Variants in KCNIP4 observed in about 807,000 individuals in gnomAD.
The protein encoded by KCNIP4 is Kv channel-interacting protein 4.
A neutral mutation model predicts 34.0 loss-of-function variants in KCNIP4; 12 were observed. That is an observed-to-expected ratio of 0.35 (90% CI 0.23 to 0.57). The LOEUF is 0.57. KCNIP4 is among the 20% of genes least tolerant of loss of function. KCNIP4 has a pLI of 0.83. For missense variants in KCNIP4, 238 were observed against 311.7 expected (o/e 0.76, Z 1.78); for synonymous variants, 124 against 102.2 (o/e 1.21, Z -1.29).
intron 1 of KCNIP4, among the ~76,000 whole-genome samples, chr4:20,931,616 G>A (rs554333588): frequency 6.6e-6 from 1 of 151,982 alleles, no homozygotes; most frequent in East Asian, 1.9e-4. Context: ...GTAAAAATGT[G>A]GTATTATAAT....
Position 21,704,206 on chromosome 4 carries a change from T to C in KCNIP4, c.61+244365A>G, listed in dbSNP as rs186083909. On this transcript the variant is annotated intron_variant, in intron 1 of 8. Transcript: ENST00000382152. Reference sequence around the variant, plus strand: ...ATACATCACAGGCTTAAATGTAAAATGTAAAACTGTTAAAGTTTTAGAAAA... The same window carrying C: ...ATACATCACAGGCTTAAATGTAAAACGTAAAACTGTTAAAGTTTTAGAAAA... Among the ~76,000 whole-genome samples, 3 of 152,084 alleles carry C rather than the reference T, an allele frequency of 2.0e-5. No individual in the cohort carries two copies. The East Asian group carries it at 5.8e-4, about 29-fold the overall frequency.
intron 1 of KCNIP4, among the ~76,000 whole-genome samples, chr4:21,940,678 G>A (rs145261911): frequency 0.014 from 2,062 of 151,862 alleles, 39 homozygotes; most frequent in African/African-American, 0.046. Context: ...TTGTACAGAG[G>A]AAAAAAGAAA....
chr4:20,794,055 T>C (rs1317327489), intron 3 of KCNIP4, among the ~76,000 whole-genome samples: 2 of 152,224 alleles, frequency 1.3e-5, no homozygotes, highest in Non-Finnish European at 2.9e-5. Flanking sequence ...AAAGTCTCTC[T>C]CTTTGCCTGT....
At chr4:21,539,432 A>G (rs1737489804) in intron 1 of KCNIP4, among the ~76,000 whole-genome samples, 1 of 152,200 alleles carries the variant, frequency 6.6e-6, no homozygotes, top group South Asian at 2.1e-4. Context: ...GGAGGGTGGG[A>G]TGGAAACAAA....
intron 1 of KCNIP4, among the ~76,000 whole-genome samples, chr4:21,169,549 A>G (rs546097028): frequency 6.6e-6 from 1 of 152,238 alleles, no homozygotes; most frequent in East Asian, 1.9e-4. Flanking sequence ...TATTAGAAAT[A>G]AGTTTTAATT....
chr4:21,074,003 G>T (rs1745228922), intron 1 of KCNIP4, among the ~76,000 whole-genome samples: 1 of 152,124 alleles, frequency 6.6e-6, no homozygotes. Context: ...GATCATGGTG[G>T]ATAAGCTTTT....
In KCNIP4 at chr4:21,681,894, A is replaced by ATT. The variant is rs140900844; in HGVS notation, c.61+266675_61+266676dup. On this transcript the variant is annotated intron_variant, in intron 1 of 8. Coordinates refer to ENST00000382152, the MANE Select transcript of KCNIP4 (RefSeq NM_025221.6). ...CACACTTTTTTTTTTATTTTTATTTATTTATTTTTTTTGAGACAGAGCCTC... is the reference window on the plus strand; with the variant it reads ...CACACTTTTTTTTTTATTTTTATTTATTTTTATTTTTTTTGAGACAGAGCCTC... Among the ~76,000 whole-genome samples the ATT allele has an allele frequency of 1.7e-3, 253 of 148,854 alleles. 2 individuals carry two copies. The highest frequency in any genetic ancestry group is 6.1e-3 in the African/African-American group (245 of 39,944).
chr4:20,738,298 T>C (rs905156512), intron 5 of KCNIP4, among the ~76,000 whole-genome samples: 6 of 152,196 alleles, frequency 3.9e-5, no homozygotes, highest in Non-Finnish European at 5.9e-5. Flanking sequence ...TAATAATATG[T>C]CATTAATTGT....
At chr4:21,701,738 T>C (rs962661812) in intron 1 of KCNIP4, among the ~76,000 whole-genome samples, 3 of 152,096 alleles carry the variant, frequency 2.0e-5, no homozygotes, top group African/African-American at 7.2e-5. Flanking sequence ...GGAGTCTCAC[T>C]CTGACACCCT....
intron 2 of KCNIP4, among the ~76,000 whole-genome samples, chr4:20,860,611 T>C (rs904436919): frequency 4.6e-5 from 7 of 152,230 alleles, no homozygotes; most frequent in African/African-American, 1.4e-4. Context: ...AAAAATACCC[T>C]CTGAGCCATT....
At chr4:21,789,728 T>G (rs1720152913) in intron 1 of KCNIP4, among the ~76,000 whole-genome samples, 1 of 152,008 alleles carries the variant, frequency 6.6e-6, no homozygotes, top group African/African-American at 2.4e-5. Flanking sequence ...TGTAGATTAT[T>G]GTTTTTGTGC....
At chr4:21,233,819 T>C (rs1389292187) in intron 1 of KCNIP4, among the ~76,000 whole-genome samples, 1 of 143,032 alleles carries the variant, frequency 7.0e-6, no homozygotes, top group Non-Finnish European at 1.5e-5. Context: ...TATAATATAA[T>C]TATTATATAT....
Position 21,073,621 on chromosome 4 carries a change from C to G in KCNIP4, c.62-190912G>C, listed in dbSNP as rs1389602732. On this transcript the variant is annotated intron_variant, in intron 1 of 8. Coordinates refer to ENST00000382152, the MANE Select transcript of KCNIP4 (RefSeq NM_025221.6). ...ACTTCCTCTTTTCCTAATTGAATACCCTTTATTTCTTTCTCCTGCCTGATT... is the reference window on the plus strand; with the variant it reads ...ACTTCCTCTTTTCCTAATTGAATACGCTTTATTTCTTTCTCCTGCCTGATT... 3.9e-5 allele frequency among the ~76,000 whole-genome samples: 6 copies of G among 152,202 alleles called. No homozygotes were observed. The South Asian group carries it at 8.3e-4, about 21-fold the overall frequency.
intron 1 of KCNIP4, among the ~76,000 whole-genome samples, chr4:21,794,008 A>T (rs979495264): frequency 6.6e-6 from 1 of 152,204 alleles, no homozygotes; most frequent in Non-Finnish European, 1.5e-5. Flanking sequence ...GCTGGAAACC[A>T]TCATTCTCAC....
chr4:21,083,463 A>G (rs985074504), intron 1 of KCNIP4, among the ~76,000 whole-genome samples: 1 of 151,854 alleles, frequency 6.6e-6, no homozygotes, highest in African/African-American at 2.4e-5. Context: ...GGATTATCCA[A>G]GTGGACCCTA....
intron 1 of KCNIP4, among the ~76,000 whole-genome samples, chr4:21,459,214 C>G (rs1729235445): frequency 6.6e-6 from 1 of 152,022 alleles, no homozygotes; most frequent in Non-Finnish European, 1.5e-5. Flanking sequence ...CACCTTTGTA[C>G]TCATAAAAAT....
intron 1 of KCNIP4, among the ~76,000 whole-genome samples, chr4:21,328,749 A>G (rs1011719309): frequency 1.3e-5 from 2 of 152,174 alleles, no homozygotes; most frequent in Non-Finnish European, 2.9e-5. Flanking sequence ...TCAGGAATCT[A>G]CCTGGTGTTC....
intron 1 of KCNIP4, among the ~76,000 whole-genome samples, chr4:21,455,010 T>G (rs142895913): frequency 6.6e-6 from 1 of 152,110 alleles, no homozygotes; most frequent in Non-Finnish European, 1.5e-5. Flanking sequence ...TTCTGGAGAA[T>G]CCCTCAGTCC....
intron 1 of KCNIP4, among the ~76,000 whole-genome samples, chr4:21,035,861 C>T (rs1425090987): frequency 1.3e-5 from 2 of 152,094 alleles, no homozygotes; most frequent in Non-Finnish European, 2.9e-5. Context: ...ACCCCTGTGT[C>T]CAAGAGGCAG....
Sources: gnomAD v4.1 joint callset for allele counts (sites outside exome capture counted in the v4.1 genomes callset) on GRCh38, gnomAD v4.1.1 for gene constraint, MANE v1.5 for transcripts, NCBI Gene and HGNC (gene_info 2026-07-23, HGNC 2026-07-21) for gene names.